The following MARCHF7 variants were observed in gnomAD, a reference collection of about 807,000 sequenced individuals.
MARCHF7 encodes the protein E3 ubiquitin-protein ligase MARCHF7.
In MARCHF7, 20 loss-of-function variants were observed where a neutral mutation model predicts 76.5. The observed-to-expected ratio is 0.26, with a 90% CI of 0.18 to 0.38. MARCHF7 has a LOEUF of 0.38. MARCHF7 is among the 10% of genes least tolerant of loss of function. The pLI is 1.00. For synonymous variants in MARCHF7, 295 were observed against 293.0 expected (o/e 1.01, Z -0.07); for missense variants, 797 against 812.9 (o/e 0.98, Z 0.24).
At chr2:159,732,287 G>T (rs1702904751) in intron 4 of MARCHF7, among the ~76,000 whole-genome samples, 1 of 151,964 alleles carries the variant, frequency 6.6e-6, no homozygotes, top group Non-Finnish European at 1.5e-5. Flanking sequence ...CAAAAACCAA[G>T]TAGAATTTTT....
At chr2:159,758,137 C>A (rs1196772774) in intron 8 of MARCHF7, among the ~76,000 whole-genome samples, 1 of 152,142 alleles carries the variant, frequency 6.6e-6, no homozygotes, top group Non-Finnish European at 1.5e-5. Flanking sequence ...TGAATTTAAA[C>A]CTATCTACCC....
chr2:159,747,851 A>G lies in MARCHF7; in HGVS notation c.561A>G (p.Lys187=). Residue 187 remains lysine (K), a synonymous_variant, in exon 7 of 12, where the codon AAA becomes AAG. Transcript: ENST00000409175. ...VPSYSQGARP[K]ENSMSTLQLN... ...CATATTCACAAGGAGCAAGACCAAAAGAAAACTCAATGAGCACTTTACAGT... is the reference window on the plus strand; with the variant it reads ...CATATTCACAAGGAGCAAGACCAAAGGAAAACTCAATGAGCACTTTACAGT... 6.2e-7 allele frequency: 1 copy of G among 1,609,814 alleles called. No individual in the cohort carries two copies. Among genetic ancestry groups the G allele is most frequent in the Non-Finnish European group, 8.5e-7 (1 of 1,178,934 alleles).
At chr2:159,733,854 A>C in intron 4 of MARCHF7, 1 of 1,192,582 alleles carries the variant, frequency 8.4e-7, no homozygotes, top group Non-Finnish European at 1.0e-6. Flanking sequence ...TTATTATGTA[A>C]TATACTTGAG....
Position 159,752,128 on chromosome 2 carries a change from AT to A in MARCHF7, c.1614-273del, listed in dbSNP as rs1469386010. 2.0e-5 allele frequency among the ~76,000 whole-genome samples: 3 copies of A among 152,342 alleles called. No homozygotes were observed. In the East Asian group the frequency reaches 5.8e-4, roughly 29 times the overall value. On this transcript the variant is annotated intron_variant, in intron 7 of 11. Coordinates refer to ENST00000409175, the MANE Select transcript of MARCHF7 (RefSeq NM_001282805.2). ...ATTTGCCAATGACAAAATTACTTAA[AT>A]CATTTGAAAATAAATGATAGGTTAG...
intron 10 of MARCHF7, among the ~76,000 whole-genome samples, chr2:159,763,707 A>G (rs1216635049): frequency 2.0e-5 from 3 of 152,234 alleles, no homozygotes; most frequent in Non-Finnish European, 2.9e-5. Flanking sequence ...TTACATGTTA[A>G]CTTCGGTGAT....
Position 159,715,700 on chromosome 2 carries a change from C to T in MARCHF7, c.-81C>T, listed in dbSNP as rs1700955989. ...TTTCAGCTTTCTGCCCTGGCATGAA[C>T]TTACATGGTCAGAGCTGGTTTTTCC... On this transcript the variant is annotated 5_prime_UTR_variant, in exon 3 of 12. Transcript: ENST00000409175. 4 of 152,110 alleles carry T rather than the reference C, an allele frequency of 2.6e-5. No individual in the cohort carries two copies. The South Asian group carries it at 6.2e-4, about 24-fold the overall frequency. The allele number at this position is 152,110 out of a possible 1,614,324, so 9.4% of individuals were successfully genotyped here.
chr2:159,759,972 A>T (rs1315178204), intron 9 of MARCHF7, among the ~76,000 whole-genome samples: 1 of 152,150 alleles, frequency 6.6e-6, no homozygotes, highest in Non-Finnish European at 1.5e-5. Flanking sequence ...TGTAGGGGTA[A>T]TGGGCCTCCC....
chr2:159,721,834 A>G (rs931053690), intron 3 of MARCHF7, among the ~76,000 whole-genome samples: 4 of 152,222 alleles, frequency 2.6e-5, no homozygotes, highest in Admixed American at 6.5e-5. Context: ...ATTCAAAGAT[A>G]GAATTTCAGG....
Position 159,770,355 on chromosome 2 carries a change from G to C in MARCHF7, c.*3013G>C, listed in dbSNP as rs578046413. Reference sequence around the variant, plus strand: ...CCTGCATTTTCAGTACCATGTAGCCGCACTGTTAATAGTTTTCTATCACTT... The same window carrying C: ...CCTGCATTTTCAGTACCATGTAGCCCCACTGTTAATAGTTTTCTATCACTT... On this transcript the variant is annotated 3_prime_UTR_variant, in exon 12 of 12. Transcript: ENST00000409175. 6.8e-6 allele frequency: 1 copy of C among 147,676 alleles called. No individual in the cohort carries two copies. Among genetic ancestry groups the C allele is most frequent in the Admixed American group, 6.6e-5 (1 of 15,188 alleles). The allele number at this position is 147,676 out of a possible 1,614,324, so 9.1% of individuals were successfully genotyped here.
intron 4 of MARCHF7, among the ~76,000 whole-genome samples, chr2:159,738,256 C>A (rs1703700200): frequency 6.6e-6 from 1 of 152,144 alleles, no homozygotes; most frequent in Non-Finnish European, 1.5e-5. Context: ...ACACAAGGAA[C>A]TACAGAGCCC....
chr2:159,745,856 G>T lies in MARCHF7; in HGVS notation c.433G>T (p.Asp145Tyr), dbSNP rs766497832. The T allele has an allele frequency of 5.6e-6, 9 of 1,612,868 alleles. No homozygotes were observed. The African/African-American group carries it at 1.2e-4, about 22-fold the overall frequency. The change falls in exon 6 of 12, where the codon GAT becomes TAT. Residue 145 changes from aspartate to tyrosine, a missense_variant. Asp to Tyr is a radical substitution (Grantham distance 160, BLOSUM62 -3). This residue lies in a region of MARCHF7 where 643 missense variants were observed against 631.5 expected (regional missense o/e 1.02). Transcript: ENST00000409175. ...FGTDLMRERR[D>Y]LERRTDSSIS... ...AACAGACTTAATGAGAGAGAGGAGA[G>T]ATTTGGAGAGAAGAACAGATTCCTC...
intron 3 of MARCHF7, among the ~76,000 whole-genome samples, chr2:159,716,118 T>C (rs1701005057): frequency 6.6e-6 from 1 of 150,440 alleles, no homozygotes; most frequent in Non-Finnish European, 1.5e-5. Flanking sequence ...ATTTGTCAGC[T>C]AAAAGTTAGT....
At chr2:159,763,528 A>G (rs1707358458) in intron 10 of MARCHF7, among the ~76,000 whole-genome samples, 1 of 152,226 alleles carries the variant, frequency 6.6e-6, no homozygotes, top group Admixed American at 6.5e-5. Context: ...TTAGGTATTT[A>G]TAAGTAAATG....
intron 7 of MARCHF7, among the ~76,000 whole-genome samples, chr2:159,750,140 A>C (rs548703853): frequency 6.6e-6 from 1 of 152,326 alleles, no homozygotes; most frequent in South Asian, 2.1e-4. Context: ...TCCTGGCTTC[A>C]AGCGATCCTC....
intron 3 of MARCHF7, among the ~76,000 whole-genome samples, chr2:159,728,031 TTTTA>T (rs1188094787): frequency 6.6e-6 from 1 of 152,214 alleles, no homozygotes; most frequent in Non-Finnish European, 1.5e-5. Flanking sequence ...GTATGTGTAG[TTTTA>T]TAGATTGACC....
Position 159,720,154 on chromosome 2 carries a change from G to A in MARCHF7, c.-15+4388G>A, listed in dbSNP as rs146300409. On this transcript the variant is annotated intron_variant, in intron 3 of 11. Coordinates refer to ENST00000409175, the MANE Select transcript of MARCHF7 (RefSeq NM_001282805.2). ...GATTCTCCTTCCTCAGCCTCCCAGG[G>A]AGCTAGGATTACAGGAACGCAACAC... 3.3e-5 allele frequency among the ~76,000 whole-genome samples: 5 copies of A among 152,150 alleles called. No individual in the cohort carries two copies. In the East Asian group the frequency reaches 9.7e-4, roughly 29 times the overall value.
In MARCHF7 at chr2:159,769,150, AT is replaced by A. The variant is rs990686777; in HGVS notation, c.*1812del. ...ATACACTGCTCACTACAAGAATGCA[AT>A]TTTCTAAGAAAATGTAGTTTAAAAT... On this transcript the variant is annotated 3_prime_UTR_variant, in exon 12 of 12. Transcript: ENST00000409175. 2.0e-5 allele frequency: 3 copies of A among 152,214 alleles called. No individual in the cohort carries two copies. The highest frequency in any genetic ancestry group is 4.4e-5 in the Non-Finnish European group (3 of 68,030). 9.4% of individuals were successfully genotyped at this position (152,214 alleles called of 1,614,324 possible).
At chr2:159,715,470 C>T (rs1700929960) in intron 2 of MARCHF7, among the ~76,000 whole-genome samples, 1 of 152,068 alleles carries the variant, frequency 6.6e-6, no homozygotes, top group Non-Finnish European at 1.5e-5. Flanking sequence ...CCTCAGCTTC[C>T]TGGGTAGCTG....
intron 4 of MARCHF7, among the ~76,000 whole-genome samples, chr2:159,734,262 GAA>G (rs1703180751): frequency 6.6e-6 from 1 of 151,856 alleles, no homozygotes; most frequent in Non-Finnish European, 1.5e-5. Flanking sequence ...CTTTTAATAT[GAA>G]ATAATTTTAA....
Sources: allele counts gnomAD v4.1 joint callset (sites outside exome capture counted in the v4.1 genomes callset), GRCh38; gene constraint gnomAD v4.1.1; regional missense constraint gnomAD v4.1.1; transcripts MANE v1.5; gene names NCBI Gene and HGNC (gene_info 2026-07-23, HGNC 2026-07-21).